The following TACR3 variants were observed in gnomAD, a reference collection of about 807,000 sequenced individuals.
The protein encoded by TACR3 is tachykinin receptor 3, also known as neuromedin-K receptor.
A neutral mutation model predicts 35.0 loss-of-function variants in TACR3; 34 were observed. The observed-to-expected ratio is 0.97, with a 90% CI of 0.74 to 1.30. The LOEUF is 1.30. Among genes scored for constraint, TACR3 ranks in the 50% most tolerant of loss-of-function variants. TACR3 has a pLI of 0.00. For missense variants in TACR3, 558 were observed against 591.7 expected, an observed-to-expected ratio of 0.94 and a Z score of 0.59; for synonymous variants, 233 against 221.1, an observed-to-expected ratio of 1.05 and a Z score of -0.48.
At chr4:103,627,020 T>A (rs866734850) in intron 3 of TACR3, among the ~76,000 whole-genome samples, 3,922 of 137,550 alleles carry the variant, frequency 0.029, 161 homozygotes, top group African/African-American at 0.096. Context: ...GAAAAATAAA[T>A]AAAAAAAAAA....
intron 3 of TACR3, among the ~76,000 whole-genome samples, chr4:103,594,352 A>G (rs1723959269): frequency 6.6e-6 from 1 of 151,884 alleles, no homozygotes; most frequent in Non-Finnish European, 1.5e-5. Context: ...TAATTTTTGT[A>G]TTTTTAGTAG....
At chr4:103,708,630 C>T (rs993093996) in intron 1 of TACR3, among the ~76,000 whole-genome samples, 11 of 152,188 alleles carry the variant, frequency 7.2e-5, no homozygotes, top group African/African-American at 2.2e-4. Flanking sequence ...CAGCTCCTCG[C>T]TAGCAATGGA....
At chr4:103,678,627 A>C (rs1726223724) in intron 1 of TACR3, among the ~76,000 whole-genome samples, 1 of 152,138 alleles carries the variant, frequency 6.6e-6, no homozygotes, top group African/African-American at 2.4e-5. Context: ...CAAATAAATG[A>C]AAGCATTATT....
intron 1 of TACR3, among the ~76,000 whole-genome samples, chr4:103,686,439 T>A (rs1211379503): frequency 6.6e-6 from 1 of 151,930 alleles, no homozygotes; most frequent in African/African-American, 2.4e-5. Context: ...AGAAAAAAAC[T>A]GAGCAATGGT....
chr4:103,610,928 G>T (rs778944383), intron 3 of TACR3, among the ~76,000 whole-genome samples: 1 of 152,028 alleles, frequency 6.6e-6, no homozygotes, highest in Admixed American at 6.6e-5. Flanking sequence ...AAAATCAGTC[G>T]GGTGTAAAGT....
At chr4:103,702,831 C>T (rs1339315037) in intron 1 of TACR3, among the ~76,000 whole-genome samples, 1 of 141,228 alleles carries the variant, frequency 7.1e-6, no homozygotes, top group East Asian at 2.1e-4. Flanking sequence ...TGTTCTCACT[C>T]ATAGGTGGGA....
intron 3 of TACR3, among the ~76,000 whole-genome samples, chr4:103,599,223 A>T (rs1724125474): frequency 6.6e-6 from 1 of 152,042 alleles, no homozygotes; most frequent in Admixed American, 6.5e-5. Flanking sequence ...GCAATTGTGA[A>T]TGGGAGTTCA....
chr4:103,603,247 G>C lies in TACR3; in HGVS notation c.889-11564C>G, dbSNP rs867515279. 2.0e-5 allele frequency among the ~76,000 whole-genome samples: 3 copies of C among 152,322 alleles called. No individual in the cohort carries two copies. The South Asian group carries it at 6.2e-4, about 32-fold the overall frequency. On this transcript the variant is annotated intron_variant, in intron 3 of 4. Coordinates refer to ENST00000304883, the MANE Select transcript of TACR3 (RefSeq NM_001059.3). ...GCCATTTTTTAAGCCCATTGGAAAA[G>C]CGAAATATTAGGGTGGGAGTGACCC...
chr4:103,590,441 A>C (rs1723868553), intron 4 of TACR3, among the ~76,000 whole-genome samples: 1 of 152,212 alleles, frequency 6.6e-6, no homozygotes, highest in African/African-American at 2.4e-5. Flanking sequence ...AGTCTCGTTT[A>C]ATGTTAGAAT....
At chr4:103,633,335 C>A (rs1725108942) in intron 3 of TACR3, among the ~76,000 whole-genome samples, 1 of 151,972 alleles carries the variant, frequency 6.6e-6, no homozygotes, top group African/African-American at 2.4e-5. Context: ...ATTTTGTAAT[C>A]CTAAGGGCTA....
intron 1 of TACR3, among the ~76,000 whole-genome samples, chr4:103,704,105 CAAAAAAAAAAAAAAAA>C (rs59034473): frequency 1.4e-4 from 9 of 64,616 alleles, no homozygotes; most frequent in South Asian, 9.3e-4. Flanking sequence ...CTCTATCTCA[CAAAAAAAAAAAAAAAA>C]AAAAAAAAAA....
chr4:103,679,180 C>T (rs1307196032), intron 1 of TACR3, among the ~76,000 whole-genome samples: 1 of 152,010 alleles, frequency 6.6e-6, no homozygotes, highest in Non-Finnish European at 1.5e-5. Context: ...TCTGGAGGCC[C>T]TAACTATGCC....
At chr4:103,647,797 G>A (rs1725493278) in intron 3 of TACR3, among the ~76,000 whole-genome samples, 1 of 151,790 alleles carries the variant, frequency 6.6e-6, no homozygotes, top group Admixed American at 6.6e-5. Context: ...TTTACCTAGT[G>A]CTAGTTAATA....
intron 1 of TACR3, among the ~76,000 whole-genome samples, chr4:103,684,273 G>C (rs970067394): frequency 6.6e-6 from 1 of 152,064 alleles, no homozygotes; most frequent in Non-Finnish European, 1.5e-5. Flanking sequence ...ATTTAATAAT[G>C]TCTCTATTCA....
intron 3 of TACR3, among the ~76,000 whole-genome samples, chr4:103,622,600 G>A (rs184696771): frequency 7.9e-5 from 12 of 152,246 alleles, no homozygotes; most frequent in Admixed American, 2.0e-4. Context: ...GTGGCAGCGT[G>A]TGCCTGTAGT....
At chr4:103,711,748 T>C (rs1662634757) in intron 1 of TACR3, among the ~76,000 whole-genome samples, 1 of 152,148 alleles carries the variant, frequency 6.6e-6, no homozygotes, top group Admixed American at 6.5e-5. Context: ...GAAAACCCCA[T>C]CGTCTCAGCC....
At chr4:103,639,451 A>T (rs1725294551) in intron 3 of TACR3, among the ~76,000 whole-genome samples, 1 of 151,758 alleles carries the variant, frequency 6.6e-6, no homozygotes, top group African/African-American at 2.4e-5. Flanking sequence ...TGGGGTGGGG[A>T]GAGGGGGGAG....
intron 1 of TACR3, 134 bp downstream of exon 1, chr4:103,718,994 C>CT: frequency 7.6e-7 from 1 of 1,323,782 alleles, no homozygotes; most frequent in Non-Finnish European, 1.0e-6. Flanking sequence ...TAGTGTCCTC[C>CT]TTTCAGCAAA....
intron 1 of TACR3, among the ~76,000 whole-genome samples, chr4:103,711,425 CT>C (rs1449060740): frequency 6.6e-6 from 1 of 152,142 alleles, no homozygotes; most frequent in African/African-American, 2.4e-5. Context: ...AAGAAAAGGT[CT>C]TTGACGAAAT....
Sources: gnomAD v4.1 joint callset for allele counts (sites outside exome capture counted in the v4.1 genomes callset) on GRCh38, gnomAD v4.1.1 for gene constraint, MANE v1.5 for transcripts, NCBI Gene and HGNC (gene_info 2026-07-23, HGNC 2026-07-21) for gene names.